IL1RAPL1: variants seen among roughly 807,000 people sequenced by gnomAD.
The protein encoded by IL1RAPL1 is interleukin-1 receptor accessory protein-like 1.
In IL1RAPL1, 3 loss-of-function variants were observed where a neutral mutation model predicts 48.4. That is an observed-to-expected ratio of 0.06 (90% CI 0.03 to 0.16). The LOEUF (loss-of-function observed/expected upper bound fraction) is 0.16, where lower values mean the gene tolerates loss of function less well. Among genes scored for constraint, IL1RAPL1 ranks in the 10% least tolerant of loss-of-function variants. The probability of loss-of-function intolerance (pLI) is 1.00; values close to 1 mark genes in which losing one functional copy is unlikely to be tolerated. For missense variants in IL1RAPL1, 349 were observed against 530.6 expected (o/e 0.66, Z 3.36); for synonymous variants, 185 against 187.7 (o/e 0.99, Z 0.12).
At chrX:29,630,659 C>T (rs186494030) in intron 5 of IL1RAPL1, among the ~76,000 whole-genome samples, 74 of 110,173 alleles carry the variant, frequency 6.7e-4, no homozygotes, top group Non-Finnish European at 9.3e-4. Flanking sequence ...CTGCCTCAGC[C>T]TCCTGAGTAG....
chrX:29,312,650 C>T (rs1229337064), intron 3 of IL1RAPL1, among the ~76,000 whole-genome samples: 1 of 111,445 alleles, frequency 9.0e-6, no homozygotes, highest in Non-Finnish European at 1.9e-5. Context: ...CCACCCCAAC[C>T]ACTTTTTCCT....
Position 29,491,971 on chromosome X carries a change from C to T in IL1RAPL1, c.703+92663C>T, listed in dbSNP as rs769532760. ...TCACATACCAAACCCCTACAATAAT[C>T]TTTGTTTCTATTTGTAACTTTACGT... On this transcript the variant is annotated intron_variant, in intron 5 of 10. Coordinates refer to ENST00000378993, the MANE Select transcript of IL1RAPL1 (RefSeq NM_014271.4). 8.1e-4 allele frequency among the ~76,000 whole-genome samples: 91 copies of T among 112,209 alleles called. 2 individuals carry two copies. Among genetic ancestry groups the T allele is most frequent in the African/African-American group, 2.5e-3 (77 of 30,947 alleles).
At chrX:28,770,278 C>T (rs1229888371) in intron 1 of IL1RAPL1, among the ~76,000 whole-genome samples, 1 of 110,906 alleles carries the variant, frequency 9.0e-6, no homozygotes, top group Non-Finnish European at 1.9e-5. Flanking sequence ...TGGCTCTACT[C>T]TGTAAGAAGA....
intron 5 of IL1RAPL1, among the ~76,000 whole-genome samples, chrX:29,557,518 G>A (rs1224774612): frequency 8.9e-6 from 1 of 111,951 alleles, no homozygotes; most frequent in Admixed American, 9.5e-5. Context: ...TATTTTGTGT[G>A]TGTGTGGTGA....
chrX:28,706,612 C>T (rs900662769), intron 1 of IL1RAPL1, among the ~76,000 whole-genome samples: 3 of 111,098 alleles, frequency 2.7e-5, no homozygotes, highest in African/African-American at 9.8e-5. Flanking sequence ...TGGGGTTTTG[C>T]CATGTTGGCC....
At chrX:28,965,316 T>C (rs1924892359) in intron 2 of IL1RAPL1, among the ~76,000 whole-genome samples, 1 of 111,389 alleles carries the variant, frequency 9.0e-6, no homozygotes, top group African/African-American at 3.3e-5. Flanking sequence ...AGAATTTGGG[T>C]TAGGTTCCAG....
chrX:29,554,386 AT>A (rs1921923632), intron 5 of IL1RAPL1, among the ~76,000 whole-genome samples: 1 of 111,723 alleles, frequency 9.0e-6, no homozygotes, highest in Non-Finnish European at 1.9e-5. Context: ...TAAATTCTTC[AT>A]GGAATATCAA....
intron 3 of IL1RAPL1, among the ~76,000 whole-genome samples, chrX:29,366,669 T>C (rs981591634): frequency 2.9e-4 from 29 of 100,766 alleles, no homozygotes; most frequent in African/African-American, 6.2e-4. Flanking sequence ...CCCGGGTTCA[T>C]GCCATTCTCC....
intron 6 of IL1RAPL1, among the ~76,000 whole-genome samples, chrX:29,898,737 T>C (rs758852251): frequency 8.9e-6 from 1 of 112,183 alleles, no homozygotes; most frequent in Non-Finnish European, 1.9e-5. Flanking sequence ...ATATATAAAG[T>C]GGTCATTTTC....
intron 2 of IL1RAPL1, among the ~76,000 whole-genome samples, chrX:28,871,978 A>G (rs1474312370): frequency 1.8e-5 from 2 of 111,970 alleles, no homozygotes; most frequent in Non-Finnish European, 3.8e-5. Context: ...TACCTAAAGA[A>G]TAAAGACTTA....
chrX:29,374,025 G>A (rs1001307758), intron 3 of IL1RAPL1, among the ~76,000 whole-genome samples: 4 of 105,664 alleles, frequency 3.8e-5, no homozygotes, highest in African/African-American at 1.4e-4. Context: ...CGTGCTGCTG[G>A]ATACAGTTTG....
intron 3 of IL1RAPL1, among the ~76,000 whole-genome samples, chrX:29,295,648 C>T (rs1356039627): frequency 1.8e-5 from 2 of 111,540 alleles, no homozygotes; most frequent in Non-Finnish European, 3.8e-5. Context: ...TCCAATATAT[C>T]CAAATTTCAG....
chrX:28,870,930 G>A (rs1360568620), intron 2 of IL1RAPL1, among the ~76,000 whole-genome samples: 4 of 111,667 alleles, frequency 3.6e-5, no homozygotes, highest in African/African-American at 1.3e-4. Flanking sequence ...ATGGAGTGAT[G>A]GTTTTAAACC....
chrX:29,279,485 G>A (rs1289657268), intron 2 of IL1RAPL1, among the ~76,000 whole-genome samples: 1 of 110,470 alleles, frequency 9.1e-6, no homozygotes, highest in Non-Finnish European at 1.9e-5. Context: ...GCCTTGAACT[G>A]TTCTTTATAG....
chrX:28,748,532 CT>C (rs1489340785), intron 1 of IL1RAPL1, among the ~76,000 whole-genome samples: 1 of 111,373 alleles, frequency 9.0e-6, no homozygotes, highest in Non-Finnish European at 1.9e-5. Context: ...TGGAACAAAC[CT>C]TTTCACAAAA....
intron 6 of IL1RAPL1, among the ~76,000 whole-genome samples, chrX:29,913,080 G>A (rs1419887223): frequency 9.0e-6 from 1 of 110,937 alleles, no homozygotes; most frequent in Non-Finnish European, 1.9e-5. Context: ...CCAATAAATA[G>A]TACCTGGTGA....
At chrX:29,591,845 C>A (rs1449253744) in intron 5 of IL1RAPL1, among the ~76,000 whole-genome samples, 2 of 112,429 alleles carry the variant, frequency 1.8e-5, no homozygotes, top group Non-Finnish European at 3.8e-5. Context: ...AGGAAGAAAC[C>A]TGCTCACAGG....
At chrX:29,186,975 TG>T (rs1243435509) in intron 2 of IL1RAPL1, among the ~76,000 whole-genome samples, 2 of 109,937 alleles carry the variant, frequency 1.8e-5, no homozygotes, top group South Asian at 3.9e-4. Flanking sequence ...CTGTTGGAGT[TG>T]GGGGGGAGGG....
At chrX:28,590,273 C>T (rs1010243738) in intron 1 of IL1RAPL1, among the ~76,000 whole-genome samples, 5 of 111,542 alleles carry the variant, frequency 4.5e-5, no homozygotes, top group Non-Finnish European at 7.5e-5. Flanking sequence ...TCCTATTTCT[C>T]TTTACATTTA....
Sources: allele counts gnomAD v4.1 joint callset (sites outside exome capture counted in the v4.1 genomes callset), GRCh38; gene constraint gnomAD v4.1.1; transcripts MANE v1.5; gene names NCBI Gene and HGNC (gene_info 2026-07-23, HGNC 2026-07-21).